Variants in C5 observed in about 807,000 individuals in gnomAD.
The protein encoded by C5 is complement C5, also known as C3 and PZP-like alpha-2-macroglobulin domain-containing protein 4.
Under a neutral mutation model 218.8 loss-of-function variants are expected in C5, and 140 were observed. That is an observed-to-expected ratio of 0.64 (90% CI 0.56 to 0.74). C5 has a LOEUF of 0.74. Among genes scored for constraint, C5 ranks in the 30% least tolerant of loss-of-function variants. The pLI is 0.00. For missense variants in C5, 1,700 were observed against 1,969.6 expected (o/e 0.86, Z 2.59); for synonymous variants, 614 against 682.3 (o/e 0.90, Z 1.56).
At chr9:120,999,403 T>C (rs2047142183) in intron 20 of C5, among the ~76,000 whole-genome samples, 1 of 152,176 alleles carries the variant, frequency 6.6e-6, no homozygotes, top group Admixed American at 6.5e-5. Flanking sequence ...AAAACCCCAG[T>C]AGAACCTGAC....
intron 12 of C5, 70 bp from the exon 13 acceptor site, chr9:121,017,922 A>C: frequency 1.0e-6 from 1 of 977,436 alleles, no homozygotes; most frequent in Non-Finnish European, 1.6e-6. Flanking sequence ...GTGCTTTAGG[A>C]TGCAGCCTGG....
chr9:121,074,815 C>CGCGCCCAAGACTCCCCGGCATCCTA, the C5 span: 22 of 455,870 alleles, frequency 4.8e-5, no homozygotes, highest in African/African-American at 4.2e-4. Context: ...CCGGAAGCCT[C>CGCGCCCAAGACTCCCCGGCATCCTA]GCGCCCAAGA....
the C5 span, among the ~76,000 whole-genome samples, chr9:121,071,996 C>G: frequency 1.3e-5 from 2 of 152,054 alleles, no homozygotes. Context: ...GCGTTACTTT[C>G]GTATTCTCAC....
chr9:121,030,446 A>G lies in C5; in HGVS notation c.709T>C (p.Phe237Leu). The G allele has an allele frequency of 6.5e-7, 1 of 1,546,534 alleles. No homozygotes were observed. Among genetic ancestry groups the G allele is most frequent in the Non-Finnish European group, 8.8e-7 (1 of 1,141,992 alleles). ...FSVSIEPEYN[F>L]IGYKNFKNFE... is the part of the protein sequence containing the mutation. ...TTCTTAAAGTTCTTGTAACCAATGA[A>G]ATTATATTCTGGCTCGATTGAGACA... Residue 237 changes from phenylalanine to leucine, a missense_variant, in exon 7 of 41, where the codon TTC (phenylalanine) becomes CTC (leucine). By Grantham distance (22) the Phe-to-Leu change is conservative. Coordinates refer to ENST00000223642, the MANE Select transcript of C5 (RefSeq NM_001735.3).
At position 121,027,258 on chromosome 9, in the gene C5, C is replaced by T. The variant is rs2047432117; in HGVS notation, c.775G>A (p.Val259Ile). 1 of 1,523,732 alleles carries T rather than the reference C, an allele frequency of 6.6e-7. No individual in the cohort carries two copies. The highest frequency in any genetic ancestry group is 2.2e-5 in the East Asian group (1 of 44,468). 94.4% of individuals were successfully genotyped at this position (1,523,732 alleles called of 1,614,324 possible). Residue 259 changes from valine to isoleucine, a missense_variant, in exon 8 of 41, where the codon GTA becomes ATA. Val to Ile is a conservative substitution (Grantham distance 29). Transcript: ENST00000223642. ...ATATAAACGTCAGCCTCAGTGACTA[C>T]TTTATTATAAAAATATCTGTCAGAC... Reference protein sequence around the residue: ...TIKARYFYNKVVTEADVYITF... With the variant: ...TIKARYFYNKIVTEADVYITF...
intron 2 of C5, among the ~76,000 whole-genome samples, chr9:121,045,892 T>G (rs963957073): frequency 6.6e-6 from 1 of 152,172 alleles, no homozygotes; most frequent in African/African-American, 2.4e-5. Context: ...GTAATTTTCA[T>G]AGCAAACAAG....
chr9:120,992,714 G>T (rs2047085976), intron 22 of C5, among the ~76,000 whole-genome samples: 1 of 152,116 alleles, frequency 6.6e-6, no homozygotes. Flanking sequence ...CACATAAAAA[G>T]GCAGGTTCCA....
At chr9:121,004,642 G>A (rs1325261689) in intron 20 of C5, among the ~76,000 whole-genome samples, 5 of 152,080 alleles carry the variant, frequency 3.3e-5, no homozygotes, top group East Asian at 1.9e-4. Flanking sequence ...GCATGGTGGC[G>A]TGTACCTGTA....
intron 2 of C5, among the ~76,000 whole-genome samples, chr9:121,044,352 G>A (rs892590920): frequency 5.3e-5 from 8 of 152,060 alleles, no homozygotes; most frequent in African/African-American, 1.9e-4. Flanking sequence ...GTGCACGCCT[G>A]TTAATCCCAG....
Position 120,960,240 on chromosome 9 carries a change from G to A in C5, c.4678+8C>T, listed in dbSNP as rs1432731344. 1 of 1,589,036 alleles carries A rather than the reference G, an allele frequency of 6.3e-7. No individual in the cohort carries two copies. The highest frequency in any genetic ancestry group is 1.1e-5 in the South Asian group (1 of 90,556). ...TTTAAAGGAGCTATATTGAACTTTTGAACTCACCATATGCAATCTCTGGTT... is the reference window on the plus strand; with the variant it reads ...TTTAAAGGAGCTATATTGAACTTTTAAACTCACCATATGCAATCTCTGGTT... On this transcript the variant is annotated splice_region_variant and intron_variant, in intron 38 of 40. Transcript: ENST00000223642.
In C5 at chr9:120,962,531, T is replaced by A; in HGVS notation, c.4504+140A>T. 9.4e-6 allele frequency: 7 copies of A among 748,084 alleles called. No homozygotes were observed. In the South Asian group the frequency reaches 1.0e-4, roughly 11 times the overall value. The allele number at this position is 748,084 out of a possible 1,614,324, so 46.3% of individuals were successfully genotyped here. A position where few individuals can be genotyped will look rare whatever the true frequency, so the allele number is the denominator to read the frequency against. Reference sequence around the variant, plus strand: ...ATATTTTGTATGCAGTAGTTTTGAATGTTCAAATTGGGACTTTCATGAAGA... The same window carrying A: ...ATATTTTGTATGCAGTAGTTTTGAAAGTTCAAATTGGGACTTTCATGAAGA... On this transcript the variant is annotated intron_variant, in intron 36 of 40. Transcript: ENST00000223642.
chr9:121,033,077 C>CAT (rs778043182), intron 5 of C5, among the ~76,000 whole-genome samples: 24 of 151,060 alleles, frequency 1.6e-4, no homozygotes, highest in Middle Eastern at 3.4e-3. Flanking sequence ...CATATATATA[C>CAT]ACACACACAC....
intron 3 of C5, among the ~76,000 whole-genome samples, chr9:121,039,947 T>G (rs936073819): frequency 6.6e-6 from 1 of 152,224 alleles, no homozygotes; most frequent in African/African-American, 2.4e-5. Context: ...TTGAATGCCT[T>G]CTAATGTGCC....
chr9:120,980,896 C>T (rs2046988166), intron 27 of C5, among the ~76,000 whole-genome samples: 4 of 152,260 alleles, frequency 2.6e-5, no homozygotes, highest in South Asian at 2.1e-4. Context: ...GCACCCGGCC[C>T]ATAGACACAA....
In C5 at chr9:120,980,200, G is replaced by A. The variant is rs373730400; in HGVS notation, c.3541C>T (p.Pro1181Ser). 3.1e-6 allele frequency: 5 copies of A among 1,614,002 alleles called. No individual in the cohort carries two copies. The African/African-American group carries it at 6.7e-5, about 22-fold the overall frequency. Residue 1181 changes from proline (P) to serine (S), a missense_variant, in exon 28 of 41, where the codon CCA becomes TCA. Physicochemically the swap from Pro to Ser is moderately conservative, Grantham distance 74. Coordinates refer to ENST00000223642, the MANE Select transcript of C5 (RefSeq NM_001735.3). Reference sequence around the variant, plus strand: ...GCCAATGTAAAGGTGCTCTGGGCTGGCAGTGTATTTTCAAGCAGAAAGTTG... The same window carrying A: ...GCCAATGTAAAGGTGCTCTGGGCTGACAGTGTATTTTCAAGCAGAAAGTTG... Reference protein sequence around the residue: ...ADNFLLENTLPAQSTFTLAIS... With the variant: ...ADNFLLENTLSAQSTFTLAIS...
intron 6 of C5, among the ~76,000 whole-genome samples, chr9:121,031,512 T>A (rs2047474176): frequency 1.3e-5 from 2 of 152,124 alleles, no homozygotes; most frequent in Non-Finnish European, 2.9e-5. Flanking sequence ...GAAAGGATCT[T>A]TACTAGTCAA....
At chr9:121,014,148 A>T in intron 16 of C5, 78 bp from the exon 17 acceptor site, 2 of 1,291,880 alleles carry the variant, frequency 1.5e-6, no homozygotes, top group Non-Finnish European at 2.2e-6. Context: ...CTCAAGGGAT[A>T]CCTGGTTTCT....
At position 120,974,873 on chromosome 9, in the gene C5, C is replaced by A; in HGVS notation, c.3923G>T (p.Arg1308Leu). ...TEYSLLVKQL[R>L]LSMDIDVSYK... The stretch of plus-strand genomic sequence containing the variant: ...AGAAACATCGATGTCCATACTCAAG[C>A]GGAGTTGTTTAACCAGGAGTGAATA... The change falls in exon 30 of 41, where the codon CGC becomes CTC. Residue 1308 changes from arginine (R) to leucine (L), a missense_variant. Transcript: ENST00000223642. The A allele has an allele frequency of 6.2e-7, 1 of 1,614,042 alleles. No individual in the cohort carries two copies. The highest frequency in any genetic ancestry group is 8.5e-7 in the Non-Finnish European group (1 of 1,179,916).
At chr9:120,974,994 A>G in intron 29 of C5, 63 bp from the exon 30 acceptor site, 1 of 1,583,264 alleles carries the variant, frequency 6.3e-7, no homozygotes, top group Non-Finnish European at 8.7e-7. Flanking sequence ...CTATTTACAA[A>G]TGCCCTTTTT....
Sources: gnomAD v4.1 joint callset for allele counts (sites outside exome capture counted in the v4.1 genomes callset) on GRCh38, gnomAD v4.1.1 for gene constraint, MANE v1.5 for transcripts, NCBI Gene and HGNC (gene_info 2026-07-23, HGNC 2026-07-21) for gene names.